The following PDE1C variants were observed in gnomAD, a reference collection of about 807,000 sequenced individuals.
PDE1C encodes the protein phosphodiesterase 1C, also known as dual specificity calcium/calmodulin-dependent 3',5'-cyclic nucleotide phosphodiesterase 1C.
PDE1C carries 62 observed loss-of-function variants against 93.1 expected under a neutral mutation model. The observed-to-expected ratio is 0.67, with a 90% CI of 0.54 to 0.82. The LOEUF (loss-of-function observed/expected upper bound fraction) is 0.82. Among genes scored for constraint, PDE1C ranks in the 40% least tolerant of loss-of-function variants. The pLI, the probability that PDE1C is intolerant of heterozygous loss-of-function variation, is 0.00. For missense variants in PDE1C, 742 were observed against 884.6 expected, an observed-to-expected ratio of 0.84 and a Z score of 2.04; for synonymous variants, 325 against 310.1, an observed-to-expected ratio of 1.05 and a Z score of -0.50.
chr7:32,287,313 C>A (rs891048531), intron 1 of PDE1C, among the ~76,000 whole-genome samples: 3 of 152,192 alleles, frequency 2.0e-5, no homozygotes, highest in African/African-American at 7.2e-5. Context: ...CCCTCAATAG[C>A]CCATCTCCTC....
chr7:32,032,498 AG>A (rs1327958775), intron 2 of PDE1C, among the ~76,000 whole-genome samples: 1 of 152,214 alleles, frequency 6.6e-6, no homozygotes, highest in Non-Finnish European at 1.5e-5. Flanking sequence ...GTGTGGAGAC[AG>A]CCACTGACAG....
At chr7:32,008,732 G>A (rs1000498588) in intron 2 of PDE1C, among the ~76,000 whole-genome samples, 7 of 151,864 alleles carry the variant, frequency 4.6e-5, no homozygotes, top group African/African-American at 1.5e-4. Context: ...TGCACTGTTA[G>A]TGAACTGAAA....
At chr7:32,407,684 T>C (rs1178786198) in intron 1 of PDE1C, among the ~76,000 whole-genome samples, 1 of 152,238 alleles carries the variant, frequency 6.6e-6, no homozygotes, top group African/African-American at 2.4e-5. Flanking sequence ...ACTTAAAATA[T>C]CTCAGCTGAG....
chr7:32,115,508 G>A (rs926796992), intron 3 of PDE1C, among the ~76,000 whole-genome samples: 2 of 151,906 alleles, frequency 1.3e-5, no homozygotes, highest in Non-Finnish European at 2.9e-5. Flanking sequence ...AAGACAAATA[G>A]CTAATGCATG....
the PDE1C span, among the ~76,000 whole-genome samples, chr7:31,731,885 T>A: frequency 6.6e-6 from 1 of 152,210 alleles, no homozygotes; most frequent in Admixed American, 6.5e-5. Flanking sequence ...TACTTCTGCA[T>A]GGTTTACCTT....
intron 2 of PDE1C, among the ~76,000 whole-genome samples, chr7:32,182,601 C>G (rs368927146): frequency 1.5e-4 from 23 of 152,212 alleles, no homozygotes; most frequent in East Asian, 5.8e-4. Flanking sequence ...ATTCAACAAC[C>G]CTTCATGCTA....
chr7:31,850,471 C>A (rs1019350528), intron 8 of PDE1C, among the ~76,000 whole-genome samples, 170 bp downstream of exon 8: 1 of 152,098 alleles, frequency 6.6e-6, no homozygotes, highest in African/African-American at 2.4e-5. Context: ...TTCTTAAACT[C>A]TAAGTCTTGA....
intron 1 of PDE1C, among the ~76,000 whole-genome samples, chr7:32,373,789 A>G (rs528914653): frequency 1.3e-5 from 2 of 152,238 alleles, no homozygotes; most frequent in Admixed American, 1.3e-4. Flanking sequence ...GAAATTTGAG[A>G]CCAGCCTGGC....
intron 1 of PDE1C, among the ~76,000 whole-genome samples, chr7:32,237,776 T>C (rs2128867271): frequency 8.5e-6 from 1 of 117,742 alleles, no homozygotes; most frequent in East Asian, 2.3e-4. Context: ...TTTTTTTTTT[T>C]TTTTTTTTTT....
At chr7:32,165,772 C>G (rs1802212556) in intron 3 of PDE1C, among the ~76,000 whole-genome samples, 1 of 152,132 alleles carries the variant, frequency 6.6e-6, no homozygotes, top group Non-Finnish European at 1.5e-5. Flanking sequence ...AAGTGACCTG[C>G]TCAAATTAAC....
intron 3 of PDE1C, among the ~76,000 whole-genome samples, chr7:32,082,778 C>G (rs1172863087): frequency 1.3e-5 from 2 of 152,206 alleles, no homozygotes; most frequent in Non-Finnish European, 2.9e-5. Flanking sequence ...TCCAGCAGAC[C>G]TGCAGCTGAG....
At chr7:32,027,346 T>C (rs991541876) in intron 2 of PDE1C, among the ~76,000 whole-genome samples, 4 of 152,022 alleles carry the variant, frequency 2.6e-5, no homozygotes, top group African/African-American at 4.8e-5. Context: ...ATAAAGCCTA[T>C]TGATTAAAAC....
chr7:31,986,134 G>C (rs1457420822), intron 2 of PDE1C, among the ~76,000 whole-genome samples: 1 of 151,818 alleles, frequency 6.6e-6, no homozygotes, highest in African/African-American at 2.4e-5. Context: ...ACAGTTCTGG[G>C]AACTAGACGT....
intron 2 of PDE1C, among the ~76,000 whole-genome samples, chr7:32,012,071 G>C (rs1481136511): frequency 6.6e-6 from 1 of 152,188 alleles, no homozygotes; most frequent in Non-Finnish European, 1.5e-5. Context: ...AAAGAAGTAA[G>C]CTGCAAAAGA....
intron 2 of PDE1C, among the ~76,000 whole-genome samples, chr7:31,886,826 T>TTTCAGAATAGATCTA (rs1562972430): frequency 1.0e-3 from 12 of 11,906 alleles, no homozygotes; most frequent in South Asian, 2.1e-3. Context: ...TTTCGGATCT[T>TTTCAGAATAGATCTA]TTCAGAATAG....
At chr7:31,790,505 A>G (rs191168622) in intron 16 of PDE1C, among the ~76,000 whole-genome samples, 234 of 152,284 alleles carry the variant, frequency 1.5e-3, no homozygotes, top group Admixed American at 6.1e-3. Context: ...TGTAAACTAG[A>G]TTAGCAAACA....
chr7:31,849,730 C>T (rs764770), intron 8 of PDE1C, among the ~76,000 whole-genome samples: 26,706 of 152,074 alleles, frequency 0.18, 2,438 homozygotes, highest in Middle Eastern at 0.24. Context: ...GACTTACCAC[C>T]TTTCCCCATA....
intron 3 of PDE1C, among the ~76,000 whole-genome samples, chr7:32,085,101 G>A (rs1409778498): frequency 8.1e-5 from 12 of 147,458 alleles, no homozygotes; most frequent in Non-Finnish European, 1.0e-4. Context: ...TTGATAGACC[G>A]CTAGCAAGAC....
intron 1 of PDE1C, among the ~76,000 whole-genome samples, chr7:32,324,206 T>C (rs1458817518): frequency 1.3e-5 from 2 of 152,224 alleles, no homozygotes; most frequent in Non-Finnish European, 2.9e-5. Flanking sequence ...GCTCTCATGC[T>C]ATTATATGGC....
Sources: gnomAD v4.1 joint callset for allele counts (sites outside exome capture counted in the v4.1 genomes callset) on GRCh38, gnomAD v4.1.1 for gene constraint, MANE v1.5 for transcripts, NCBI Gene and HGNC (gene_info 2026-07-23, HGNC 2026-07-21) for gene names.